RPRD2: variants seen among roughly 807,000 people sequenced by gnomAD.
RPRD2 encodes the protein regulation of nuclear pre-mRNA domain containing 2, also known as regulation of nuclear pre-mRNA domain-containing protein 2.
RPRD2 carries 12 observed loss-of-function variants against 104.4 expected under a neutral mutation model. The ratio of observed to expected loss-of-function variants is 0.11; its 90% CI spans 0.07 to 0.19. RPRD2 has a LOEUF of 0.19. Among genes scored for constraint, RPRD2 ranks in the 10% least tolerant of loss-of-function variants. RPRD2 has a pLI of 1.00. For missense variants in RPRD2, 1,543 were observed against 1,790.1 expected (o/e 0.86, Z 2.49); for synonymous variants, 714 against 684.9 (o/e 1.04, Z -0.66).
intron 1 of RPRD2, among the ~76,000 whole-genome samples, chr1:150,367,523 T>A (rs1274504436): frequency 6.6e-6 from 1 of 152,152 alleles, no homozygotes; most frequent in African/African-American, 2.4e-5. Flanking sequence ...TTCTCTTTTT[T>A]CTTCTGACAT....
At chr1:150,437,887 T>C (rs1666116980) in intron 2 of RPRD2, among the ~76,000 whole-genome samples, 1 of 151,468 alleles carries the variant, frequency 6.6e-6, no homozygotes, top group Admixed American at 6.6e-5. Flanking sequence ...GCCTAAACTT[T>C]ACAATTTTCT....
intron 5 of RPRD2, among the ~76,000 whole-genome samples, chr1:150,443,743 C>T (rs930383672): frequency 1.3e-5 from 2 of 152,034 alleles, no homozygotes; most frequent in African/African-American, 2.4e-5. Context: ...CGGTGGCTCA[C>T]GCCTGTAATC....
At chr1:150,417,934 C>G (rs587635754) in intron 2 of RPRD2, among the ~76,000 whole-genome samples, 1 of 145,280 alleles carries the variant, frequency 6.9e-6, no homozygotes, top group South Asian at 2.2e-4. Flanking sequence ...TTCTTTCTTT[C>G]TTCCTTTCCT....
rs117339453 is a variant in RPRD2, at chr1:150,455,597, G to A, written c.871-1691G>A. On this transcript the variant is annotated intron_variant, in intron 7 of 10. Coordinates refer to ENST00000369068, the MANE Select transcript of RPRD2 (RefSeq NM_015203.5). ...CTACTAAATGTTCTGTGGTATCTTGGATGGGATCCTAGGTTAGAAAAGGAC... is the reference window on the plus strand; with the variant it reads ...CTACTAAATGTTCTGTGGTATCTTGAATGGGATCCTAGGTTAGAAAAGGAC... Among the ~76,000 whole-genome samples, 44 of 150,708 alleles carry A rather than the reference G, an allele frequency of 2.9e-4. 1 individual carries two copies. The East Asian group carries it at 8.6e-3, about 29-fold the overall frequency.
At chr1:150,403,648 A>G (rs1478365545) in intron 1 of RPRD2, among the ~76,000 whole-genome samples, 3 of 147,242 alleles carry the variant, frequency 2.0e-5, no homozygotes, top group African/African-American at 7.7e-5. Flanking sequence ...ACATTCTTTT[A>G]CCCAATATTT....
In RPRD2 at chr1:150,460,068, A is replaced by G. The variant is rs1553898448; in HGVS notation, c.1162A>G (p.Arg388Gly). 2 of 1,613,902 alleles carry G rather than the reference A, an allele frequency of 1.2e-6. No individual in the cohort carries two copies. The highest frequency in any genetic ancestry group is 1.7e-6 in the Non-Finnish European group (2 of 1,179,790). Residue 388 changes from arginine to glycine, a missense_variant, in exon 9 of 11, where the codon AGG becomes GGG. Transcript: ENST00000369068. ...TTTCTTTGTTGAAACAGTCGAGGAC[A>G]GGAAGGAAAAACCTGCAGAGAAGTC... ...DDGSKIIVED[R>G]KEKPAEKSAV...
rs1666431116 is a variant in RPRD2 at position 150,441,924 on chromosome 1, C to T, written c.480C>T (p.Asn160=). Residue 160 remains asparagine (N), a synonymous_variant, in exon 4 of 11, where the codon AAC becomes AAT. Coordinates refer to ENST00000369068, the MANE Select transcript of RPRD2 (RefSeq NM_015203.5). ...AGAAGCAGCTGAAAGAAAATCTGAA[C>T]AAACAACCGAATAAGCAGTGGAAGA... ...KTQKQLKENL[N]KQPNKQWKKS... is the part of the protein sequence containing the mutation. 1 of 1,612,486 alleles carries T rather than the reference C, an allele frequency of 6.2e-7. No homozygotes were observed. Among genetic ancestry groups the T allele is most frequent in the Admixed American group, 1.7e-5 (1 of 59,730 alleles).
At chr1:150,368,743 G>C (rs1379341072) in intron 1 of RPRD2, among the ~76,000 whole-genome samples, 1 of 151,854 alleles carries the variant, frequency 6.6e-6, no homozygotes, top group African/African-American at 2.4e-5. Context: ...TGGGATTACA[G>C]GTGTGAGCCG....
At chr1:150,393,669 A>G (rs1662271030) in intron 1 of RPRD2, among the ~76,000 whole-genome samples, 1 of 152,094 alleles carries the variant, frequency 6.6e-6, no homozygotes, top group Non-Finnish European at 1.5e-5. Context: ...TGGCATGAAA[A>G]TTATATGTCT....
Position 150,472,541 on chromosome 1 carries a change from C to G in RPRD2, c.3593C>G (p.Pro1198Arg). Residue 1198 changes from proline (P) to arginine (R), a missense_variant, in exon 11 of 11, where the codon CCC (proline) becomes CGC (arginine). Physicochemically the swap from Pro to Arg is moderately radical, Grantham distance 103 (BLOSUM62 -2). Coordinates refer to ENST00000369068, the MANE Select transcript of RPRD2 (RefSeq NM_015203.5). Reference sequence around the variant, plus strand: ...TTTGAGCATCATCTTCCCCCATCCCCCTTGGAACATGGGACACCCTTCCAG... The same window carrying G: ...TTTGAGCATCATCTTCCCCCATCCCGCTTGGAACATGGGACACCCTTCCAG... ...STFEHHLPPS[P>R]LEHGTPFQRE... 6.2e-7 allele frequency: 1 copy of G among 1,613,988 alleles called. No homozygotes were observed. Among genetic ancestry groups the G allele is most frequent in the Non-Finnish European group, 8.5e-7 (1 of 1,179,876 alleles).
chr1:150,370,043 A>G (rs587685184), intron 1 of RPRD2, among the ~76,000 whole-genome samples: 2 of 151,972 alleles, frequency 1.3e-5, no homozygotes, highest in East Asian at 1.9e-4. Flanking sequence ...CAGCCTCCCA[A>G]AGTGCTGGGA....
intron 7 of RPRD2, among the ~76,000 whole-genome samples, chr1:150,449,391 T>G (rs1218183995): frequency 6.6e-6 from 1 of 152,344 alleles, no homozygotes; most frequent in Non-Finnish European, 1.5e-5. Flanking sequence ...CTTATTGATA[T>G]GCTTGGGTTT....
chr1:150,409,879 A>T (rs1297691477), intron 1 of RPRD2, among the ~76,000 whole-genome samples: 1 of 152,136 alleles, frequency 6.6e-6, no homozygotes, highest in African/African-American at 2.4e-5. Flanking sequence ...TCCTGACCTC[A>T]GGTGATCCAC....
At chr1:150,459,927 G>A in intron 8 of RPRD2, 133 bp from the exon 9 acceptor site, 1 of 738,600 alleles carries the variant, frequency 1.4e-6, no homozygotes, top group Admixed American at 2.9e-5. Flanking sequence ...AAAAAAGCAT[G>A]AAGTGAGTCG....
At chr1:150,373,732 G>A (rs1660500011) in intron 1 of RPRD2, among the ~76,000 whole-genome samples, 1 of 151,990 alleles carries the variant, frequency 6.6e-6, no homozygotes, top group Non-Finnish European at 1.5e-5. Context: ...CATTTAAAGT[G>A]TACAATTCAA....
intron 1 of RPRD2, among the ~76,000 whole-genome samples, chr1:150,387,906 C>G (rs1189181539): frequency 2.5e-5 from 3 of 122,302 alleles, no homozygotes; most frequent in Non-Finnish European, 5.1e-5. Flanking sequence ...TTCTTTTTTT[C>G]TTTTCTCTTT....
chr1:150,423,123 G>T (rs149351155), intron 2 of RPRD2, among the ~76,000 whole-genome samples: 2 of 152,254 alleles, frequency 1.3e-5, no homozygotes, highest in East Asian at 3.9e-4. Flanking sequence ...TGCCATTTGT[G>T]TCCTAGAGGT....
chr1:150,413,267 C>T (rs1330625224), intron 1 of RPRD2, among the ~76,000 whole-genome samples: 2 of 151,948 alleles, frequency 1.3e-5, no homozygotes, highest in South Asian at 2.1e-4. Flanking sequence ...AAAATTCTGA[C>T]TAAAGAGTAG....
intron 10 of RPRD2, among the ~76,000 whole-genome samples, chr1:150,465,151 A>T (rs1316407249): frequency 1.3e-5 from 2 of 149,728 alleles, no homozygotes; most frequent in Non-Finnish European, 3.0e-5. Flanking sequence ...GGTGGTCATT[A>T]TCCTTTTTTT....
Sources: allele counts gnomAD v4.1 joint callset (sites outside exome capture counted in the v4.1 genomes callset), GRCh38; gene constraint gnomAD v4.1.1; transcripts MANE v1.5; gene names NCBI Gene and HGNC (gene_info 2026-07-23, HGNC 2026-07-21).